The following MARCHF1 variants were observed in gnomAD, a reference collection of about 807,000 sequenced individuals.
MARCHF1 encodes the protein E3 ubiquitin-protein ligase MARCHF1.
Under a neutral mutation model 54.2 loss-of-function variants are expected in MARCHF1, and 40 were observed. That is an observed-to-expected ratio of 0.74 (90% confidence interval 0.57 to 0.96). MARCHF1 has a LOEUF of 0.96. Among genes scored for constraint, MARCHF1 ranks in the 40% least tolerant of loss-of-function variants. The pLI is 0.00. For missense variants in MARCHF1, 586 were observed against 656.5 expected (o/e 0.89, Z 1.17); for synonymous variants, 236 against 236.3 (o/e 1.00, Z 0.01).
intron 2 of MARCHF1, among the ~76,000 whole-genome samples, chr4:164,038,814 C>T (rs751163278): frequency 9.9e-5 from 15 of 152,104 alleles, no homozygotes; most frequent in Non-Finnish European, 1.8e-4. Flanking sequence ...TTTTATGTTA[C>T]AAATAATTTC....
intron 4 of MARCHF1, among the ~76,000 whole-genome samples, chr4:163,824,954 C>T (rs1279155838): frequency 6.7e-6 from 1 of 149,918 alleles, no homozygotes; most frequent in Non-Finnish European, 1.5e-5. Flanking sequence ...CCATCTCACA[C>T]CAGTTAGAAT....
chr4:164,221,258 C>T (rs1732102781), intron 1 of MARCHF1, among the ~76,000 whole-genome samples: 1 of 151,900 alleles, frequency 6.6e-6, no homozygotes, highest in Non-Finnish European at 1.5e-5. Context: ...TAAGTTAAAG[C>T]AAACATTATG....
chr4:164,084,394 GT>G (rs1755156172), intron 2 of MARCHF1, among the ~76,000 whole-genome samples: 1 of 151,760 alleles, frequency 6.6e-6, no homozygotes, highest in South Asian at 2.1e-4. Context: ...GCATTTTCAT[GT>G]TTTAAATGAG....
At position 164,370,751 on chromosome 4, in the gene MARCHF1, T is replaced by C. The variant is rs1267181913; in HGVS notation, c.-323+13119A>G. ...CGGCGAAACTCGATCTCTACTAAAA[T>C]ACAAAAATTAGCTGGGCGTGATAGC... On this transcript the variant is annotated intron_variant, in intron 1 of 9. Coordinates refer to ENST00000514618, the MANE Select transcript of MARCHF1 (RefSeq NM_001394959.1). Among the ~76,000 whole-genome samples the C allele has an allele frequency of 1.4e-4, 21 of 151,964 alleles. 1 individual carries two copies. Among genetic ancestry groups the C allele is most frequent in the Admixed American group, 1.4e-3 (21 of 15,260 alleles).
chr4:163,562,251 C>T (rs1207884091), intron 8 of MARCHF1, among the ~76,000 whole-genome samples: 13 of 151,992 alleles, frequency 8.6e-5, no homozygotes, highest in African/African-American at 2.7e-4. Flanking sequence ...GAGCAGAGAT[C>T]GCGCCACTGC....
intron 4 of MARCHF1, among the ~76,000 whole-genome samples, chr4:163,826,475 C>T (rs886708579): frequency 7.9e-5 from 12 of 151,954 alleles, no homozygotes; most frequent in Admixed American, 7.9e-4. Context: ...CATAAATATC[C>T]TAAAGCCGTC....
chr4:163,972,403 A>G (rs887010104), intron 3 of MARCHF1, among the ~76,000 whole-genome samples: 3 of 152,210 alleles, frequency 2.0e-5, no homozygotes, highest in Admixed American at 6.5e-5. Flanking sequence ...GACAAGGGAA[A>G]GAATGCTGCC....
intron 4 of MARCHF1, among the ~76,000 whole-genome samples, chr4:163,749,879 T>C (rs1044844724): frequency 2.0e-5 from 3 of 150,924 alleles, no homozygotes; most frequent in African/African-American, 4.9e-5. Flanking sequence ...CAGACTGACA[T>C]TGTGAAACCC....
At chr4:164,309,043 G>A (rs1275299970) in intron 1 of MARCHF1, among the ~76,000 whole-genome samples, 1 of 151,958 alleles carries the variant, frequency 6.6e-6, no homozygotes, top group East Asian at 1.9e-4. Flanking sequence ...ATAGATGATA[G>A]GTAGGTAGGT....
At position 164,251,932 on chromosome 4, in the gene MARCHF1, AT is replaced by A. The variant is rs1195630761; in HGVS notation, c.-323+131937del. ...ATAGCACCAATAGATTTTAAAAATT[AT>A]TTTTATTTGATTATTTAAGAAATTA... On this transcript the variant is annotated intron_variant, in intron 1 of 9. Coordinates refer to ENST00000514618, the MANE Select transcript of MARCHF1 (RefSeq NM_001394959.1). Among the ~76,000 whole-genome samples, 3 of 152,184 alleles carry A rather than the reference AT, an allele frequency of 2.0e-5. No individual in the cohort carries two copies. The East Asian group carries it at 5.8e-4, about 29-fold the overall frequency.
intron 2 of MARCHF1, among the ~76,000 whole-genome samples, chr4:164,031,065 A>G (rs4411940): frequency 0.97 from 147,545 of 152,254 alleles, 71,653 homozygotes; most frequent in East Asian, 1. Context: ...GCTTTATTTC[A>G]TTCTCTTGCC....
intron 1 of MARCHF1, among the ~76,000 whole-genome samples, chr4:164,231,646 G>A (rs1732416758): frequency 6.6e-6 from 1 of 152,090 alleles, no homozygotes. Context: ...AGAACTAAGA[G>A]CTCAGAATCA....
chr4:163,895,773 C>T (rs144437581), intron 3 of MARCHF1, among the ~76,000 whole-genome samples: 1 of 152,212 alleles, frequency 6.6e-6, no homozygotes, highest in Non-Finnish European at 1.5e-5. Context: ...TCTACCTTGC[C>T]ACTGGGTGTG....
intron 1 of MARCHF1, among the ~76,000 whole-genome samples, chr4:164,374,825 G>A (rs1261152187): frequency 6.6e-6 from 1 of 152,018 alleles, no homozygotes; most frequent in African/African-American, 2.4e-5. Flanking sequence ...TACTCATGAG[G>A]TTAAAAGATT....
chr4:163,652,412 C>A lies in MARCHF1; in HGVS notation c.163-39019G>T, dbSNP rs555258055. On this transcript the variant is annotated intron_variant, in intron 5 of 9. Coordinates refer to ENST00000514618, the MANE Select transcript of MARCHF1 (RefSeq NM_001394959.1). The stretch of plus-strand genomic sequence containing the variant: ...CACCATGAGCTAGCCATATTCACTT[C>A]TTTTCTGTTCCTTCAACACACTAAG... Among the ~76,000 whole-genome samples, 5 of 151,936 alleles carry A rather than the reference C, an allele frequency of 3.3e-5. No homozygotes were observed. The South Asian group carries it at 1.0e-3, about 32-fold the overall frequency.
rs1474082128 is a variant in MARCHF1, at chr4:163,685,533, C to T, written c.162+15280G>A. 3.3e-5 allele frequency among the ~76,000 whole-genome samples: 5 copies of T among 152,270 alleles called. No homozygotes were observed. The East Asian group carries it at 5.8e-4, about 18-fold the overall frequency. On this transcript the variant is annotated intron_variant, in intron 5 of 9. Coordinates refer to ENST00000514618, the MANE Select transcript of MARCHF1 (RefSeq NM_001394959.1). ...GCAGTAGCGTGAACTCAGCTCACTGCAACCTCCGCCTCCTGGGTTGAAGCG... is the reference window on the plus strand; with the variant it reads ...GCAGTAGCGTGAACTCAGCTCACTGTAACCTCCGCCTCCTGGGTTGAAGCG...
chr4:163,967,271 G>A (rs534547660), intron 3 of MARCHF1, among the ~76,000 whole-genome samples: 16 of 152,244 alleles, frequency 1.1e-4, no homozygotes, highest in African/African-American at 3.6e-4. Flanking sequence ...CTTGTTGACA[G>A]AGGTAAGGTC....
chr4:163,795,700 A>G (rs1001664676), intron 4 of MARCHF1, among the ~76,000 whole-genome samples: 2 of 152,206 alleles, frequency 1.3e-5, no homozygotes, highest in Non-Finnish European at 2.9e-5. Flanking sequence ...CCATGTAATA[A>G]TGTCTAATTT....
At chr4:163,624,625 C>T (rs1741807678) in intron 5 of MARCHF1, among the ~76,000 whole-genome samples, 1 of 152,190 alleles carries the variant, frequency 6.6e-6, no homozygotes, top group African/African-American at 2.4e-5. Flanking sequence ...GCATAAGCTG[C>T]ACATTTGGAA....
Sources: allele counts gnomAD v4.1 joint callset (sites outside exome capture counted in the v4.1 genomes callset), GRCh38; gene constraint gnomAD v4.1.1; transcripts MANE v1.5; gene names NCBI Gene and HGNC (gene_info 2026-07-23, HGNC 2026-07-21).